The following KIF5A variants were observed in gnomAD, a reference collection of about 807,000 sequenced individuals.
KIF5A encodes kinesin family member 5A, also known as kinesin heavy chain isoform 5A.
Under a neutral mutation model 141.3 loss-of-function variants are expected in KIF5A, and 35 were observed. The observed-to-expected ratio is 0.25, with a 90% CI of 0.19 to 0.33. The LOEUF (loss-of-function observed/expected upper bound fraction) is 0.33, where lower values mean the gene tolerates loss of function less well. Among genes scored for constraint, KIF5A ranks in the 10% least tolerant of loss-of-function variants. The probability of loss-of-function intolerance (pLI) is 1.00; values close to 1 mark genes in which losing one functional copy is unlikely to be tolerated. For synonymous variants in KIF5A, 448 were observed against 500.2 expected (o/e 0.90, Z 1.39); for missense variants, 861 against 1,314.3 (o/e 0.66, Z 5.33).
At chr12:57,563,324 C>T in intron 1 of KIF5A, 115 bp from the exon 2 acceptor site, 1 of 771,632 alleles carries the variant, frequency 1.3e-6, no homozygotes, top group Non-Finnish European at 2.3e-6. Context: ...CATTTCTGTT[C>T]ATTAAGGGCA....
chr12:57,573,462 T>C (rs1207256223), intron 15 of KIF5A, among the ~76,000 whole-genome samples: 3 of 150,400 alleles, frequency 2.0e-5, no homozygotes, highest in African/African-American at 7.4e-5. Flanking sequence ...GTATGGGAGG[T>C]TGAGGCTGCA....
At chr12:57,581,679 T>C in intron 25 of KIF5A, 111 bp downstream of exon 25, 1 of 1,359,594 alleles carries the variant, frequency 7.4e-7, no homozygotes, top group Non-Finnish European at 1.0e-6. Context: ...CTAAACCCTT[T>C]CTCAACTTCA....
At chr12:57,571,658 C>T (rs1882259361) in intron 13 of KIF5A, among the ~76,000 whole-genome samples, 1 of 151,740 alleles carries the variant, frequency 6.6e-6, no homozygotes, top group Admixed American at 6.6e-5. Flanking sequence ...CAGCCTCGAT[C>T]TTCCAGGGTC....
chr12:57,575,204 G>A lies in KIF5A; in HGVS notation c.1837G>A (p.Val613Met), dbSNP rs987234168. The A allele has an allele frequency of 4.3e-6, 7 of 1,613,842 alleles. No individual in the cohort carries two copies. Among genetic ancestry groups the A allele is most frequent in the African/African-American group, 1.3e-5 (1 of 74,926 alleles). ...GTGCCGGCAGCTGGAGAACCTCCAG[G>A]TGGAGTGTCACCGCAAGATGGAAGT... ...KRCRQLENLQ[V>M]ECHRKMEVTG... The change falls in exon 16 of 29, where the codon GTG becomes ATG. Residue 613 changes from valine (V) to methionine (M), a missense_variant. Coordinates refer to ENST00000455537, the MANE Select transcript of KIF5A (RefSeq NM_004984.4).
chr12:57,567,737 T>G, intron 8 of KIF5A, 119 bp downstream of exon 8: 1 of 1,057,694 alleles, frequency 9.5e-7, no homozygotes, highest in South Asian at 1.7e-5. Context: ...CTCTGTTCAC[T>G]GCAACCTCCG....
At chr12:57,555,623 C>A (rs1296158030) in intron 1 of KIF5A, among the ~76,000 whole-genome samples, 2 of 150,720 alleles carry the variant, frequency 1.3e-5, no homozygotes, top group Middle Eastern at 3.3e-3. Context: ...ATTAAAAAAA[C>A]AAATTGGCTG....
Position 57,581,030 on chromosome 12 carries a change from A to G in KIF5A, c.2613A>G (p.Arg871=). ...AACGACTTAGGGCTACGGCTGAGAG[A>G]GTTAAGGCCCTGGAGGGTGCACTGA... ...LEKRLRATAE[R]VKALEGALKE... Residue 871 remains arginine, a synonymous_variant, in exon 24 of 29, where the codon AGA becomes AGG. Coordinates refer to ENST00000455537, the MANE Select transcript of KIF5A (RefSeq NM_004984.4). 1 of 1,614,014 alleles carries G rather than the reference A, an allele frequency of 6.2e-7. No individual in the cohort carries two copies. The highest frequency in any genetic ancestry group is 8.5e-7 in the Non-Finnish European group (1 of 1,180,000).
At chr12:57,576,219 G>A in intron 18 of KIF5A, 50 bp from the exon 19 acceptor site, 2 of 1,610,778 alleles carry the variant, frequency 1.2e-6, no homozygotes, top group South Asian at 2.2e-5. Context: ...CCCTCACAGA[G>A]CTTGTTGCTG....
intron 7 of KIF5A, 92 bp downstream of exon 7, chr12:57,567,305 A>C: frequency 7.8e-7 from 1 of 1,279,374 alleles, no homozygotes; most frequent in Admixed American, 1.7e-5. Flanking sequence ...TGAGCAAGGA[A>C]ACTGTACCCC....
In KIF5A at chr12:57,585,491, C is replaced by T. The variant is rs905344393; in HGVS notation, c.*1310C>T. The T allele has an allele frequency of 4.5e-5, 7 of 154,538 alleles. No homozygotes were observed. The highest frequency in any genetic ancestry group is 1.2e-4 in the African/African-American group (5 of 41,658). The allele number at this position is 154,538 out of a possible 1,614,324, so 9.6% of individuals were successfully genotyped here. A position where few individuals can be genotyped will look rare whatever the true frequency, so the allele number is the denominator to read the frequency against. On this transcript the variant is annotated 3_prime_UTR_variant, in exon 29 of 29. Transcript: ENST00000455537. ...GACTGTTGTTTTAGTTTCAGACGGT[C>T]CTTTCCTTCCACATGGTGCTAAGGT...
In KIF5A at chr12:57,559,947, G is replaced by A. The variant is rs138860885; in HGVS notation, c.130-3492G>A. Among the ~76,000 whole-genome samples, 7 of 152,086 alleles carry A rather than the reference G, an allele frequency of 4.6e-5. No individual in the cohort carries two copies. The East Asian group carries it at 7.7e-4, about 17-fold the overall frequency. On this transcript the variant is annotated intron_variant, in intron 1 of 28. Transcript: ENST00000455537. ...CACTTTGCTGCTCAGGCTGGAGTGCGGTGGCGCGATCTCGGCTCACTGCAA... is the reference window on the plus strand; with the variant it reads ...CACTTTGCTGCTCAGGCTGGAGTGCAGTGGCGCGATCTCGGCTCACTGCAA...
chr12:57,564,302 T>G, intron 4 of KIF5A, 90 bp downstream of exon 4: 1 of 1,116,002 alleles, frequency 9.0e-7, no homozygotes, highest in Non-Finnish European at 1.4e-6. Flanking sequence ...GCTCCCCAAC[T>G]TGACTCCCTT....
At chr12:57,565,894 G>T (rs1318583377) in intron 6 of KIF5A, among the ~76,000 whole-genome samples, 2 of 150,556 alleles carry the variant, frequency 1.3e-5, no homozygotes, top group East Asian at 2.0e-4. Context: ...CAAAGTGCTG[G>T]AATTACAGGC....
intron 1 of KIF5A, among the ~76,000 whole-genome samples, chr12:57,560,092 A>G (rs1881865767): frequency 6.6e-6 from 1 of 152,168 alleles, no homozygotes; most frequent in Non-Finnish European, 1.5e-5. Flanking sequence ...TGGTTTCACC[A>G]TGTTGGCCAG....
intron 11 of KIF5A, 45 bp downstream of exon 11, chr12:57,569,728 G>A: frequency 6.2e-7 from 1 of 1,606,618 alleles, no homozygotes; most frequent in Non-Finnish European, 8.5e-7. Context: ...GGAAGAGGAG[G>A]AGGATGTTTG....
chr12:57,576,035 CT>C, intron 17 of KIF5A, 51 bp from the exon 18 acceptor site: 1 of 1,566,534 alleles, frequency 6.4e-7, no homozygotes, highest in Non-Finnish European at 8.8e-7. Context: ...ACGTGAAGTT[CT>C]TTCCGAAAGA....
Position 57,564,186 on chromosome 12 carries a change from G to A in KIF5A, c.370G>A (p.Asp124Asn). ...CATCTTCAACCACATCTACTCCATG[G>A]ATGAGAACCTTGAGTTCCACATCAA... ...RDIFNHIYSM[D>N]ENLEFHIKVS... Residue 124 changes from aspartate to asparagine, a missense_variant, in exon 4 of 29, where the codon GAT becomes AAT. Around this residue, in one of 5 missense-constraint regions of KIF5A, gnomAD observed 146 missense variants for 353.4 expected, o/e 0.41. Coordinates refer to ENST00000455537, the MANE Select transcript of KIF5A (RefSeq NM_004984.4). 2 of 1,613,030 alleles carry A rather than the reference G, an allele frequency of 1.2e-6. No homozygotes were observed. The highest frequency in any genetic ancestry group is 1.7e-6 in the Non-Finnish European group (2 of 1,179,040).
In KIF5A at chr12:57,568,993, C is replaced by A; in HGVS notation, c.745C>A (p.Leu249Met). 1 of 1,613,946 alleles carries A rather than the reference C, an allele frequency of 6.2e-7. No homozygotes were observed. The highest frequency in any genetic ancestry group is 8.5e-7 in the Non-Finnish European group (1 of 1,179,966). The change falls in exon 9 of 29, where the codon CTG becomes ATG. Residue 249 changes from leucine to methionine, a missense_variant. Around this residue, in one of 5 missense-constraint regions of KIF5A, gnomAD observed 146 missense variants for 353.4 expected, o/e 0.41. Transcript: ENST00000455537. The part of the protein sequence containing the change: ...VSKTGAEGAV[L>M]DEAKNINKSL... ...CAAGACTGGAGCAGAGGGAGCCGTG[C>A]TGGACGAGGCAAAGAATATCAACAA... is the stretch of plus-strand genomic sequence containing the variant.
At chr12:57,552,557 A>C (rs1881610976) in intron 1 of KIF5A, among the ~76,000 whole-genome samples, 1 of 152,188 alleles carries the variant, frequency 6.6e-6, no homozygotes, top group African/African-American at 2.4e-5. Flanking sequence ...GTCTTAGGCA[A>C]CATCCTTGGA....
Sources: gnomAD v4.1 joint callset for allele counts (sites outside exome capture counted in the v4.1 genomes callset) on GRCh38, gnomAD v4.1.1 for gene constraint, gnomAD v4.1.1 regional missense constraint, MANE v1.5 for transcripts, NCBI Gene and HGNC (gene_info 2026-07-23, HGNC 2026-07-21) for gene names.